ERBIN: variants seen among roughly 807,000 people sequenced by gnomAD.
ERBIN encodes the protein densin-180-like protein.
In ERBIN, 60 loss-of-function variants were observed where a neutral mutation model predicts 158.4. That is an observed-to-expected ratio of 0.38 (90% CI 0.31 to 0.47). The LOEUF (loss-of-function observed/expected upper bound fraction) is 0.47, where lower values mean the gene tolerates loss of function less well. Among genes scored for constraint, ERBIN ranks in the 20% least tolerant of loss-of-function variants. ERBIN has a pLI of 0.99. For missense variants in ERBIN, 1,610 were observed against 1,648.0 expected (o/e 0.98, Z 0.40); for synonymous variants, 594 against 557.2 (o/e 1.07, Z -0.93).
intron 7 of ERBIN, among the ~76,000 whole-genome samples, chr5:66,018,966 T>TGG (rs1296297622): frequency 1.3e-5 from 2 of 152,072 alleles, no homozygotes; most frequent in South Asian, 4.1e-4. Flanking sequence ...CTACTATAAA[T>TGG]GGGAATGCTT....
At chr5:66,039,940 T>G (rs1406251085) in intron 15 of ERBIN, among the ~76,000 whole-genome samples, 1 of 151,900 alleles carries the variant, frequency 6.6e-6, no homozygotes, top group Non-Finnish European at 1.5e-5. Context: ...AAATAATAAC[T>G]TATCAAAGCA....
chr5:65,941,126 A>C lies in ERBIN; in HGVS notation c.-58+14320A>C, dbSNP rs574678615. ...ACAGATGCTTGAAGGCAGCATGCTC[A>C]TTAAGAGTCATCACCACTCCCTAAT... On this transcript the variant is annotated intron_variant, in intron 1 of 25. Coordinates refer to ENST00000284037, the MANE Select transcript of ERBIN (RefSeq NM_001253697.2). Among the ~76,000 whole-genome samples, 10 of 151,966 alleles carry C rather than the reference A, an allele frequency of 6.6e-5. No homozygotes were observed. The East Asian group carries it at 9.7e-4, about 15-fold the overall frequency.
chr5:66,045,631 G>A (rs565625992), intron 17 of ERBIN, among the ~76,000 whole-genome samples: 1 of 152,154 alleles, frequency 6.6e-6, no homozygotes, highest in African/African-American at 2.4e-5. Flanking sequence ...CAAATTTAAG[G>A]TTTTGTTCTC....
chr5:66,013,917 T>C (rs192008647), intron 6 of ERBIN, among the ~76,000 whole-genome samples: 13 of 152,314 alleles, frequency 8.5e-5, no homozygotes, highest in African/African-American at 3.1e-4. Flanking sequence ...TACTGAATGC[T>C]ATATTCTTAG....
chr5:65,943,450 A>G (rs1745320316), intron 1 of ERBIN, among the ~76,000 whole-genome samples: 1 of 152,216 alleles, frequency 6.6e-6, no homozygotes, highest in African/African-American at 2.4e-5. Context: ...CATGTTCACA[A>G]TTTCTGGAAA....
intron 1 of ERBIN, among the ~76,000 whole-genome samples, chr5:65,977,514 G>C (rs1418159371): frequency 6.9e-6 from 1 of 144,228 alleles, no homozygotes; most frequent in African/African-American, 2.6e-5. Context: ...CTCACATCCC[G>C]GACGGGGCGG....
intron 4 of ERBIN, among the ~76,000 whole-genome samples, chr5:66,000,423 C>T (rs1752903399): frequency 6.6e-6 from 1 of 152,104 alleles, no homozygotes; most frequent in African/African-American, 2.4e-5. Context: ...TATTAGACTG[C>T]AGAGTAGCTC....
At chr5:65,936,472 G>A (rs1744094424) in intron 1 of ERBIN, among the ~76,000 whole-genome samples, 1 of 152,160 alleles carries the variant, frequency 6.6e-6, no homozygotes, top group African/African-American at 2.4e-5. Flanking sequence ...AGCAGGGACT[G>A]TATATAGTAG....
At chr5:65,940,475 G>GT (rs1744767446) in intron 1 of ERBIN, among the ~76,000 whole-genome samples, 3 of 76,808 alleles carry the variant, frequency 3.9e-5, no homozygotes, top group South Asian at 4.2e-4. Flanking sequence ...GGGGGGGTCA[G>GT]TCCCCCCCCC....
intron 1 of ERBIN, among the ~76,000 whole-genome samples, chr5:65,966,642 T>C (rs1016899047): frequency 8.2e-6 from 1 of 121,306 alleles, no homozygotes; most frequent in Non-Finnish European, 1.6e-5. Context: ...ATCGCACCCT[T>C]GCACTCCAGC....
chr5:66,030,782 G>C (rs549623673), intron 14 of ERBIN, among the ~76,000 whole-genome samples: 52 of 151,758 alleles, frequency 3.4e-4, no homozygotes, highest in African/African-American at 1.2e-3. Context: ...TATTGCCCAG[G>C]CTGGTCTTGA....
chr5:66,075,310 C>T, intron 23 of ERBIN, 80 bp downstream of exon 23: 2 of 1,150,410 alleles, frequency 1.7e-6, no homozygotes, highest in Non-Finnish European at 2.6e-6. Flanking sequence ...ATTAGTAAAT[C>T]CATACAGAAT....
intron 1 of ERBIN, among the ~76,000 whole-genome samples, chr5:65,928,257 T>TC (rs1742919968): frequency 6.6e-6 from 1 of 152,060 alleles, no homozygotes; most frequent in Non-Finnish European, 1.5e-5. Context: ...TTTTTTTTTT[T>TC]CATTGTTGGT....
chr5:65,934,159 G>C (rs1212159058), intron 1 of ERBIN, among the ~76,000 whole-genome samples: 2 of 152,194 alleles, frequency 1.3e-5, no homozygotes, highest in Non-Finnish European at 2.9e-5. Context: ...GCCTCCCAAA[G>C]TGCTGGGACT....
intron 1 of ERBIN, among the ~76,000 whole-genome samples, chr5:65,948,183 ACAGGATGTTGCTCTGTGTCC>A (rs749935408): frequency 1.5e-4 from 22 of 151,504 alleles, no homozygotes; most frequent in East Asian, 7.8e-4. Flanking sequence ...TTTTTTTGAG[ACAGGATGTTGCTCTGTGTCC>A]CAGGATGTTG....
chr5:66,049,336 A>G (rs1758791040), intron 19 of ERBIN, among the ~76,000 whole-genome samples: 1 of 152,014 alleles, frequency 6.6e-6, no homozygotes, highest in Non-Finnish European at 1.5e-5. Flanking sequence ...GCACCTGAGT[A>G]TCTTTACATC....
chr5:65,969,708 C>T (rs1318607712), intron 1 of ERBIN, among the ~76,000 whole-genome samples: 1 of 152,084 alleles, frequency 6.6e-6, no homozygotes, highest in Non-Finnish European at 1.5e-5. Context: ...GTTGCATTGA[C>T]ACAGCTTGAT....
rs1561380539 is a variant in ERBIN at position 66,018,495 on chromosome 5, TATAATATATATTATATATTATATAA to T, written c.534-2826_534-2802del. Among the ~76,000 whole-genome samples, 7 of 17,748 alleles carry T rather than the reference TATAATATATATTATATATTATATAA, an allele frequency of 3.9e-4. 1 individual carries two copies. The East Asian group carries it at 5.4e-3, about 14-fold the overall frequency. 11.6% of individuals were successfully genotyped at this position (17,748 alleles called of 152,430 possible). The stretch of plus-strand genomic sequence containing the variant: ...ATATTATATATTATATATTATATTA[TATAATATATATTATATATTATATAA>T]TATATATTATATTATATAATATATA... On this transcript the variant is annotated intron_variant, in intron 7 of 25. Transcript: ENST00000284037.
intron 1 of ERBIN, among the ~76,000 whole-genome samples, chr5:65,941,807 C>T (rs1745085726): frequency 6.6e-6 from 1 of 151,972 alleles, no homozygotes; most frequent in South Asian, 2.1e-4. Context: ...GTGGCACGAT[C>T]TCTGCTCACT....
Sources: gnomAD v4.1 joint callset for allele counts (sites outside exome capture counted in the v4.1 genomes callset) on GRCh38, gnomAD v4.1.1 for gene constraint, MANE v1.5 for transcripts, NCBI Gene and HGNC (gene_info 2026-07-23, HGNC 2026-07-21) for gene names.